The following FLT1 variants were observed in gnomAD, a reference collection of about 807,000 sequenced individuals.
FLT1 encodes vascular endothelial growth factor receptor 1.
Under a neutral mutation model 156.3 loss-of-function variants are expected in FLT1, and 49 were observed. The observed-to-expected ratio is 0.31, with a 90% CI of 0.25 to 0.40. The LOEUF (loss-of-function observed/expected upper bound fraction) is 0.40, where lower values mean the gene tolerates loss of function less well. Ranked by LOEUF, FLT1 falls within the 10% of genes least tolerant of loss-of-function variation. The pLI is 1.00. For synonymous variants in FLT1, 594 were observed against 583.8 expected, an observed-to-expected ratio of 1.02 and a Z score of -0.25; for missense variants, 1,322 against 1,637.2, an observed-to-expected ratio of 0.81 and a Z score of 3.32.
intron 3 of FLT1, among the ~76,000 whole-genome samples, chr13:28,460,221 T>C (rs1198772180): frequency 6.6e-6 from 1 of 152,204 alleles, no homozygotes; most frequent in Non-Finnish European, 1.5e-5. Flanking sequence ...TCACAGAACA[T>C]GAATAGGGCT....
In FLT1 at chr13:28,301,517, C is replaced by T. The variant is rs1361735547; in HGVS notation, c.*1650G>A. On this transcript the variant is annotated 3_prime_UTR_variant, in exon 30 of 30. Transcript: ENST00000282397. ...TGTGGCACATAAGAACAGAGGCATACATTCTTCGGTTACTTAGAGCTCAGG... is the reference window on the plus strand; with the variant it reads ...TGTGGCACATAAGAACAGAGGCATATATTCTTCGGTTACTTAGAGCTCAGG... 8.6e-6 allele frequency: 2 copies of T among 233,040 alleles called. No individual in the cohort carries two copies. The highest frequency in any genetic ancestry group is 2.2e-5 in the African/African-American group (1 of 45,352). The allele number at this position is 233,040 out of a possible 1,614,324, so 14.4% of individuals were successfully genotyped here.
At chr13:28,463,373 T>C (rs1879691023) in intron 3 of FLT1, among the ~76,000 whole-genome samples, 1 of 152,206 alleles carries the variant, frequency 6.6e-6, no homozygotes, top group Non-Finnish European at 1.5e-5. Context: ...AATGCCTAAG[T>C]AAGAGTTTGT....
chr13:28,486,637 C>T (rs1881184834), intron 1 of FLT1, among the ~76,000 whole-genome samples: 1 of 152,168 alleles, frequency 6.6e-6, no homozygotes, highest in Non-Finnish European at 1.5e-5. Context: ...TTCACTTCTG[C>T]CCCTAACGTA....
chr13:28,343,111 T>C (rs1017978370), intron 16 of FLT1, among the ~76,000 whole-genome samples: 3 of 152,138 alleles, frequency 2.0e-5, no homozygotes, highest in Admixed American at 6.5e-5. Context: ...CCCTAGTAGC[T>C]AGCTGAAACT....
intron 17 of FLT1, among the ~76,000 whole-genome samples, 189 bp downstream of exon 17, chr13:28,338,979 C>T (rs577607552): frequency 1.3e-5 from 2 of 152,320 alleles, no homozygotes; most frequent in South Asian, 4.1e-4. Context: ...TGCTGCGTGT[C>T]ACCTTGTACT....
chr13:28,479,438 A>T (rs969581048), intron 1 of FLT1, among the ~76,000 whole-genome samples: 2 of 152,110 alleles, frequency 1.3e-5, no homozygotes, highest in African/African-American at 4.8e-5. Context: ...GGTTTTTCTA[A>T]TTTCACATTT....
chr13:28,306,515 C>A (rs1490475706), intron 29 of FLT1, among the ~76,000 whole-genome samples, 163 bp downstream of exon 29: 1 of 152,168 alleles, frequency 6.6e-6, no homozygotes, highest in East Asian at 1.9e-4. Context: ...TTGATGTTCC[C>A]CTTTTTTTGC....
intron 11 of FLT1, among the ~76,000 whole-genome samples, chr13:28,403,655 A>G (rs1001342337): frequency 6.6e-6 from 1 of 152,266 alleles, no homozygotes; most frequent in Non-Finnish European, 1.5e-5. Context: ...AAATGAATTG[A>G]CACAACCAAT....
intron 20 of FLT1, among the ~76,000 whole-genome samples, chr13:28,326,800 C>T (rs1056602947): frequency 1.3e-5 from 2 of 152,178 alleles, no homozygotes; most frequent in African/African-American, 4.8e-5. Flanking sequence ...TCTGGGATTA[C>T]AGGCGTAAGC....
chr13:28,312,268 G>T (rs562476832), intron 25 of FLT1, among the ~76,000 whole-genome samples, 170 bp from the exon 26 acceptor site: 1 of 152,328 alleles, frequency 6.6e-6, no homozygotes, highest in African/African-American at 2.4e-5. Flanking sequence ...GCACTTAAAA[G>T]GCTGTCTGGG....
chr13:28,387,768 G>C (rs1593733335), intron 13 of FLT1: 1 of 1,032,464 alleles, frequency 9.7e-7, no homozygotes, highest in African/African-American at 1.8e-5. Flanking sequence ...CATACCCCTA[G>C]GGTAACTAAT....
At chr13:28,326,070 C>G (rs56231329) in intron 20 of FLT1, among the ~76,000 whole-genome samples, 1 of 152,004 alleles carries the variant, frequency 6.6e-6, no homozygotes, top group Admixed American at 6.5e-5. Context: ...ATCAGTGGTA[C>G]GAAGTTGGAC....
chr13:28,492,476 G>A (rs1479051642), intron 1 of FLT1, among the ~76,000 whole-genome samples: 2 of 152,154 alleles, frequency 1.3e-5, no homozygotes, highest in Admixed American at 1.3e-4. Context: ...CAGAATGTCT[G>A]GAAGAGGTAA....
chr13:28,477,355 A>G (rs1397698560), intron 1 of FLT1, among the ~76,000 whole-genome samples: 1 of 152,212 alleles, frequency 6.6e-6, no homozygotes, highest in Admixed American at 6.5e-5. Flanking sequence ...CTGCTGACCA[A>G]GGAGTTACCT....
At chr13:28,314,827 C>G (rs1871137675) in intron 25 of FLT1, among the ~76,000 whole-genome samples, 2 of 152,220 alleles carry the variant, frequency 1.3e-5, no homozygotes, top group African/African-American at 4.8e-5. Flanking sequence ...TCTAAAATCT[C>G]TCCCTCCTCA....
chr13:28,331,775 C>G (rs948162445), intron 18 of FLT1, among the ~76,000 whole-genome samples: 1 of 151,618 alleles, frequency 6.6e-6, no homozygotes, highest in Non-Finnish European at 1.5e-5. Flanking sequence ...TTAATTTAAG[C>G]AAGAAAGCTG....
intron 25 of FLT1, among the ~76,000 whole-genome samples, chr13:28,313,888 TAAAAAAAAAAAA>T (rs779467248): frequency 1.4e-5 from 1 of 70,600 alleles, no homozygotes; most frequent in African/African-American, 3.3e-5. Context: ...TACAGGGAGG[TAAAAAAAAAAAA>T]AAAAAAAAAG....
chr13:28,483,862 T>C (rs953081047), intron 1 of FLT1, among the ~76,000 whole-genome samples: 9 of 152,240 alleles, frequency 5.9e-5, no homozygotes, highest in Non-Finnish European at 1.2e-4. Flanking sequence ...AACTCTTGCC[T>C]TTTTTCTTTA....
At chr13:28,465,058 G>C (rs1879775513) in intron 3 of FLT1, among the ~76,000 whole-genome samples, 1 of 152,202 alleles carries the variant, frequency 6.6e-6, no homozygotes, top group South Asian at 2.1e-4. Flanking sequence ...TAGAGAAAGA[G>C]AACAGATGGC....
Sources: allele counts gnomAD v4.1 joint callset (sites outside exome capture counted in the v4.1 genomes callset), GRCh38; gene constraint gnomAD v4.1.1; transcripts MANE v1.5; gene names NCBI Gene and HGNC (gene_info 2026-07-23, HGNC 2026-07-21).